GAD2: variants seen among roughly 807,000 people sequenced by gnomAD.
The protein encoded by GAD2 is glutamate decarboxylase 2.
Under a neutral mutation model 80.1 loss-of-function variants are expected in GAD2, and 22 were observed. The ratio of observed to expected loss-of-function variants is 0.27; its 90% CI spans 0.20 to 0.39. The LOEUF is 0.39. Ranked by LOEUF, GAD2 falls within the 10% of genes least tolerant of loss-of-function variation. The pLI, the probability that GAD2 is intolerant of heterozygous loss-of-function variation, is 1.00. For synonymous variants in GAD2, 274 were observed against 256.9 expected, an observed-to-expected ratio of 1.07 and a Z score of -0.64; for missense variants, 624 against 738.4, an observed-to-expected ratio of 0.85 and a Z score of 1.80.
chr10:26,292,685 C>G (rs1220116415), intron 14 of GAD2, 113 bp downstream of exon 14: 2 of 885,066 alleles, frequency 2.3e-6, no homozygotes, highest in Non-Finnish European at 3.7e-6. Context: ...CAGAGGGGAG[C>G]AGTGGATGAC....
chr10:26,301,233 T>C lies in GAD2; in HGVS notation c.*272T>C, dbSNP rs937479644. 2.3e-5 allele frequency: 8 copies of C among 340,584 alleles called. No individual in the cohort carries two copies. Among genetic ancestry groups the C allele is most frequent in the Non-Finnish European group, 4.4e-5 (8 of 180,866 alleles). The allele number at this position is 340,584 out of a possible 1,614,324, so 21.1% of individuals were successfully genotyped here. On this transcript the variant is annotated 3_prime_UTR_variant, in exon 16 of 16. Coordinates refer to ENST00000376261, the MANE Select transcript of GAD2 (RefSeq NM_001134366.2). The stretch of plus-strand genomic sequence containing the variant: ...TTATAAATACTTCCCTTACTTTTAA[T>C]ATAGTGTGCAAAGCAAACTTTATTT...
intron 13 of GAD2, among the ~76,000 whole-genome samples, chr10:26,288,702 C>G (rs1410506321): frequency 6.6e-6 from 1 of 152,142 alleles, no homozygotes; most frequent in Non-Finnish European, 1.5e-5. Flanking sequence ...CTTCAAGTAT[C>G]ATTCTTTGTG....
At chr10:26,236,805 T>C (rs1453777475) in intron 7 of GAD2, among the ~76,000 whole-genome samples, 1 of 152,200 alleles carries the variant, frequency 6.6e-6, no homozygotes, top group Non-Finnish European at 1.5e-5. Flanking sequence ...CTATTTACCT[T>C]CAGCACCCCT....
At chr10:26,234,252 A>G (rs1460128986) in intron 7 of GAD2, among the ~76,000 whole-genome samples, 2 of 151,148 alleles carry the variant, frequency 1.3e-5, no homozygotes, top group East Asian at 3.9e-4. Flanking sequence ...GGAACCCGGG[A>G]GGCAGAGGTT....
intron 5 of GAD2, 145 bp from the exon 6 acceptor site, chr10:26,224,394 A>T (rs1844495479): frequency 6.0e-6 from 4 of 665,070 alleles, no homozygotes; most frequent in Non-Finnish European, 1.1e-5. Context: ...GCCTTTTTGA[A>T]ATAATTTTCT....
intron 15 of GAD2, among the ~76,000 whole-genome samples, chr10:26,297,069 C>G (rs1309372235): frequency 6.6e-6 from 1 of 152,046 alleles, no homozygotes; most frequent in East Asian, 1.9e-4. Flanking sequence ...CACACACCAC[C>G]ACACCCAGCT....
chr10:26,269,982 C>A (rs922647977), intron 9 of GAD2, among the ~76,000 whole-genome samples: 2 of 152,160 alleles, frequency 1.3e-5, no homozygotes, highest in African/African-American at 4.8e-5. Flanking sequence ...ACATCACGTT[C>A]TATAGACAGG....
chr10:26,294,265 G>A (rs756692159), intron 15 of GAD2, among the ~76,000 whole-genome samples: 4 of 152,126 alleles, frequency 2.6e-5, no homozygotes, highest in Non-Finnish European at 4.4e-5. Context: ...ACTGACCTTT[G>A]GGAACACTTT....
chr10:26,292,400 T>G (rs1834225873), intron 13 of GAD2, 65 bp from the exon 14 acceptor site: 2 of 1,182,552 alleles, frequency 1.7e-6, no homozygotes, highest in Non-Finnish European at 2.5e-6. Flanking sequence ...ACGGTCAGTC[T>G]CCAGGGAAAT....
chr10:26,235,117 A>G (rs771020792), intron 7 of GAD2, among the ~76,000 whole-genome samples: 9 of 152,138 alleles, frequency 5.9e-5, no homozygotes, highest in Non-Finnish European at 1.0e-4. Flanking sequence ...CAGGTGATCC[A>G]CCTGCCTTGG....
chr10:26,278,531 ATAC>A (rs1235050385), intron 11 of GAD2, among the ~76,000 whole-genome samples: 2 of 152,254 alleles, frequency 1.3e-5, no homozygotes, highest in East Asian at 3.9e-4. Context: ...ACGCAAACCC[ATAC>A]TATCTGGCTC....
chr10:26,225,822 G>T (rs1343943688), intron 6 of GAD2, among the ~76,000 whole-genome samples: 1 of 152,218 alleles, frequency 6.6e-6, no homozygotes, highest in Admixed American at 6.5e-5. Context: ...CTTTTAAAAA[G>T]TCATTGAACA....
chr10:26,300,742 A>G lies in GAD2; in HGVS notation c.1585-46A>G, dbSNP rs181721131. On this transcript the variant is annotated intron_variant, in intron 15 of 15. Coordinates refer to ENST00000376261, the MANE Select transcript of GAD2 (RefSeq NM_001134366.2). Reference sequence around the variant, plus strand: ...GCTGTTGGGTTCTTTGACTCAGGGGAGAGTCCCAGGAGAAAGTCACCATGC... The same window carrying G: ...GCTGTTGGGTTCTTTGACTCAGGGGGGAGTCCCAGGAGAAAGTCACCATGC... 2.6e-4 allele frequency: 412 copies of G among 1,574,982 alleles called. No homozygotes were observed. In the African/African-American group the frequency reaches 4.5e-3, roughly 17 times the overall value.
rs1270675814 is a variant in GAD2, at chr10:26,217,136, C to A, written c.76+251C>A. The stretch of plus-strand genomic sequence containing the variant: ...GGTTGGAAGAGCCCCCCAAAGACCG[C>A]GGTGTCTCGGGGACATGGAATTCCG... On this transcript the variant is annotated intron_variant, in intron 1 of 15. Transcript: ENST00000376261. This position sits in a 1 kb window ranked among gnomAD's most constrained non-coding sequence, Gnocchi z 4.9. Among the ~76,000 whole-genome samples, 1 of 151,786 alleles carries A rather than the reference C, an allele frequency of 6.6e-6. No homozygotes were observed. Among genetic ancestry groups the A allele is most frequent in the Non-Finnish European group, 1.5e-5 (1 of 67,962 alleles).
At chr10:26,231,672 G>C (rs1176094080) in intron 7 of GAD2, among the ~76,000 whole-genome samples, 1 of 152,136 alleles carries the variant, frequency 6.6e-6, no homozygotes, top group Non-Finnish European at 1.5e-5. Context: ...CAATATGAAT[G>C]TATTACCTTA....
chr10:26,229,028 A>G (rs1206997647), intron 6 of GAD2, among the ~76,000 whole-genome samples: 1 of 152,014 alleles, frequency 6.6e-6, no homozygotes, highest in Non-Finnish European at 1.5e-5. Context: ...CGTCTCTACT[A>G]AAAATACACA....
rs116322761 is a variant in GAD2 at position 26,231,223 on chromosome 10, G to C, written c.840+1446G>C. On this transcript the variant is annotated intron_variant, in intron 7 of 15. Transcript: ENST00000376261. ...AGGGAACTAGGAGACAGGGAGGGAGGAAGGGCCTAGAGGGAGACTCAGGGC... is the reference window on the plus strand; with the variant it reads ...AGGGAACTAGGAGACAGGGAGGGAGCAAGGGCCTAGAGGGAGACTCAGGGC... Among the ~76,000 whole-genome samples, 808 of 152,310 alleles carry C rather than the reference G, an allele frequency of 5.3e-3. 14 individuals carry two copies. Among genetic ancestry groups the C allele is most frequent in the African/African-American group, 0.018 (745 of 41,566 alleles).
In GAD2 at chr10:26,281,042, G is replaced by A. The variant is rs1366667416; in HGVS notation, c.1191G>A (p.Met397Ile). The change falls in exon 12 of 16, where the codon ATG becomes ATA. Residue 397 changes from methionine (M) to isoleucine (I), a missense_variant. Met to Ile is a conservative substitution (Grantham distance 10). Coordinates refer to ENST00000376261, the MANE Select transcript of GAD2 (RefSeq NM_001134366.2). Reference protein sequence around the residue: ...ANSVTWNPHKMMGVPLQCSAL... With the variant: ...ANSVTWNPHKIMGVPLQCSAL... ...CTGTGACGTGGAATCCACACAAGAT[G>A]ATGGGAGTCCCTTTGCAGTGCTCTG... 1 of 1,613,870 alleles carries A rather than the reference G, an allele frequency of 6.2e-7. No individual in the cohort carries two copies. Among genetic ancestry groups the A allele is most frequent in the South Asian group, 1.1e-5 (1 of 91,084 alleles).
Position 26,217,478 on chromosome 10 carries a change from A to G in GAD2, c.77-132A>G, listed in dbSNP as rs1454621659. The G allele has an allele frequency of 1.1e-6, 1 of 917,452 alleles. No homozygotes were observed. Among genetic ancestry groups the G allele is most frequent in the Non-Finnish European group, 1.7e-6 (1 of 579,176 alleles). 56.8% of individuals were successfully genotyped at this position (917,452 alleles called of 1,614,324 possible). Reference sequence around the variant, plus strand: ...CACCTGCCGGCCTCACCGAGTCCTGAGCGGCCCCCAGGAGGAAGGCGGCCC... The same window carrying G: ...CACCTGCCGGCCTCACCGAGTCCTGGGCGGCCCCCAGGAGGAAGGCGGCCC... On this transcript the variant is annotated intron_variant, in intron 1 of 15. Coordinates refer to ENST00000376261, the MANE Select transcript of GAD2 (RefSeq NM_001134366.2). The surrounding 1 kb of genome is among the most constrained non-coding windows in gnomAD (Gnocchi z 4.9).
Sources: allele counts gnomAD v4.1 joint callset (sites outside exome capture counted in the v4.1 genomes callset), GRCh38; gene constraint gnomAD v4.1.1; non-coding constraint Gnocchi (gnomAD v3.1); transcripts MANE v1.5; gene names NCBI Gene and HGNC (gene_info 2026-07-23, HGNC 2026-07-21).